The following HDAC6 variants were observed in gnomAD, a reference collection of about 807,000 sequenced individuals.
HDAC6 encodes the protein protein deacetylase HDAC6.
Under a neutral mutation model 88.9 loss-of-function variants are expected in HDAC6, and 5 were observed. That is an observed-to-expected ratio of 0.06 (90% confidence interval 0.03 to 0.12). The LOEUF is 0.12. Ranked by LOEUF, HDAC6 falls within the 10% of genes least tolerant of loss-of-function variation. The pLI, the probability that HDAC6 is intolerant of heterozygous loss-of-function variation, is 1.00. For synonymous variants in HDAC6, 378 were observed against 398.0 expected, an observed-to-expected ratio of 0.95 and a Z score of 0.60; for missense variants, 706 against 1,014.4, an observed-to-expected ratio of 0.70 and a Z score of 4.13.
rs782714342 is a variant in HDAC6 at position 48,805,426 on chromosome X, C to T, written c.312-12C>T. 2 of 1,191,455 alleles carry T rather than the reference C, an allele frequency of 1.7e-6. No individual in the cohort carries two copies. The highest frequency in any genetic ancestry group is 6.0e-5 in the East Asian group (2 of 33,538). On this transcript the variant is annotated splice_polypyrimidine_tract_variant and intron_variant, in intron 4 of 28. Coordinates refer to ENST00000334136, the MANE Select transcript of HDAC6 (RefSeq NM_006044.4). Reference sequence around the variant, plus strand: ...TCCTCATGCATCTGTGACTGTGACTCCATCTCCCCAGCTTCCCGGAAGGCC... The same window carrying T: ...TCCTCATGCATCTGTGACTGTGACTTCATCTCCCCAGCTTCCCGGAAGGCC...
chrX:48,801,751 G>T, upstream of HDAC6: 2 of 694,951 alleles, frequency 2.9e-6, no homozygotes, highest in Non-Finnish European at 3.9e-6. Context: ...GCTCGCGAGA[G>T]GTGTGGCTCG....
At position 48,819,926 on chromosome X, in the gene HDAC6, C is replaced by T. The variant is rs1287685898; in HGVS notation, c.2188-180C>T. 1.2e-5 allele frequency: 6 copies of T among 519,545 alleles called. No individual in the cohort carries two copies. In the African/African-American group the frequency reaches 1.2e-4, roughly 10 times the overall value. The allele number at this position is 519,545 out of a possible 1,213,427, so 42.8% of individuals were successfully genotyped here. A position where few individuals can be genotyped will look rare whatever the true frequency, so the allele number is the denominator to read the frequency against. ...GAGTCTGTATTTCTTTTCTTCCCTT[C>T]TTCATTTTCAGTCTCTGCTTTTGTG... On this transcript the variant is annotated intron_variant, in intron 22 of 28. Coordinates refer to ENST00000334136, the MANE Select transcript of HDAC6 (RefSeq NM_006044.4).
rs377285286 is a variant in HDAC6 at position 48,816,124 on chromosome X, C to T, written c.1494-17C>T. 7.4e-6 allele frequency: 9 copies of T among 1,209,369 alleles called. No homozygotes were observed. The highest frequency in any genetic ancestry group is 1.7e-5 in the African/African-American group (1 of 57,290). On this transcript the variant is annotated splice_polypyrimidine_tract_variant and intron_variant, in intron 17 of 28. Transcript: ENST00000334136. ...CCTCAGGCACTAAGCCTCTACCTCTCGTTTCCCCACTGCTAGCCACCACCC... is the reference window on the plus strand; with the variant it reads ...CCTCAGGCACTAAGCCTCTACCTCTTGTTTCCCCACTGCTAGCCACCACCC...
intron 4 of HDAC6, among the ~76,000 whole-genome samples, chrX:48,804,530 A>T (rs2062781757): frequency 8.9e-6 from 1 of 112,509 alleles, no homozygotes; most frequent in South Asian, 3.6e-4. Flanking sequence ...TAATTATCAT[A>T]CTTGTGTGTT....
chrX:48,816,353 G>A, intron 18 of HDAC6, 84 bp downstream of exon 18: 1 of 1,136,695 alleles, frequency 8.8e-7, no homozygotes. Flanking sequence ...TCCCCTCCTG[G>A]GGAGCTGCTG....
chrX:48,808,110 A>G lies in HDAC6; in HGVS notation c.710A>G (p.Tyr237Cys). Reference protein sequence around the residue: ...MFNHVAVAARYAQQKHRIRRV... With the variant: ...MFNHVAVAARCAQQKHRIRRV... The stretch of plus-strand genomic sequence containing the variant: ...AACCACGTGGCTGTGGCAGCCCGCT[A>G]TGCTCAACAGAAACACCGCATCCGG... Residue 237 changes from tyrosine (Y) to cysteine (C), a missense_variant, in exon 9 of 29, where the codon TAT (tyrosine) becomes TGT (cysteine). Tyr to Cys is a radical substitution (Grantham distance 194, BLOSUM62 -2). This residue lies in a region of HDAC6 where 193 missense variants were observed against 258.2 expected (regional missense o/e 0.75). Transcript: ENST00000334136. 1 of 1,206,146 alleles carries G rather than the reference A, an allele frequency of 8.3e-7. No individual in the cohort carries two copies. Among genetic ancestry groups the G allele is most frequent in the Non-Finnish European group, 1.1e-6 (1 of 891,862 alleles).
At chrX:48,818,476 G>A in intron 22 of HDAC6, 64 bp downstream of exon 22, 1 of 940,736 alleles carries the variant, frequency 1.1e-6, no homozygotes, top group Non-Finnish European at 1.5e-6. Context: ...GCCTGGACCT[G>A]CCTCCTTGGC....
intron 9 of HDAC6, 53 bp from the exon 10 acceptor site, chrX:48,808,205 C>T: frequency 8.6e-7 from 1 of 1,162,027 alleles, no homozygotes; most frequent in Non-Finnish European, 1.2e-6. Flanking sequence ...GGCTCTTCCC[C>T]CAGATTCACC....
rs1569501558 is a variant in HDAC6 at position 48,803,129 on chromosome X, A to G, written c.224A>G (p.Asp75Gly). 2 of 1,205,791 alleles carry G rather than the reference A, an allele frequency of 1.7e-6. No homozygotes were observed. The highest frequency in any genetic ancestry group is 1.8e-5 in the African/African-American group (1 of 56,374). The change falls in exon 4 of 29, where the codon GAT becomes GGT. Residue 75 changes from aspartate to glycine, a missense_variant and splice_region_variant. By Grantham distance (94) the Asp-to-Gly change is moderately conservative. Transcript: ENST00000334136. ...TCTCCTTTTTTTTTTCCTCTGCAGG[A>G]TCTGAACCTTGAGGCTGAAGCACTG... ...EDLIVGLQGM[D>G]LNLEAEALAG...
intron 14 of HDAC6, 153 bp from the exon 15 acceptor site, chrX:48,815,231 C>T (rs376331158): frequency 1.6e-5 from 9 of 557,325 alleles, no homozygotes; most frequent in South Asian, 1.4e-4. Flanking sequence ...AATGTAATCA[C>T]CTCATATCAT....
chrX:48,820,094 TC>T lies in HDAC6; in HGVS notation c.2188-9del, dbSNP rs2063057709. ...CCCTCATGCTTATACATCTCTTCTCTCCCTGCCTCAGTTTAACCCAGAACTG... is the reference window on the plus strand; with the variant it reads ...CCCTCATGCTTATACATCTCTTCTCTCCTGCCTCAGTTTAACCCAGAACTG... On this transcript the variant is annotated splice_polypyrimidine_tract_variant and intron_variant, in intron 22 of 28. Transcript: ENST00000334136. The T allele has an allele frequency of 8.3e-7, 1 of 1,209,949 alleles. No individual in the cohort carries two copies. Among genetic ancestry groups the T allele is most frequent in the East Asian group, 3.0e-5 (1 of 33,825 alleles).
At chrX:48,816,751 G>T (rs2062992172) in intron 19 of HDAC6, 118 bp downstream of exon 19, 10 of 504,217 alleles carry the variant, frequency 2.0e-5, no homozygotes, top group Non-Finnish European at 3.1e-5. Flanking sequence ...GGGCCATGGG[G>T]AGGGGCACGG....
intron 7 of HDAC6, 25 bp downstream of exon 7, chrX:48,806,489 G>A (rs2062819260): frequency 1.8e-6 from 2 of 1,109,143 alleles, no homozygotes; most frequent in Non-Finnish European, 2.5e-6. Context: ...TCTGCGGGCA[G>A]GGAATGGTGG....
intron 1 of HDAC6, 166 bp downstream of exon 1, chrX:48,802,308 G>A (rs1557022583): frequency 1.1e-6 from 1 of 891,655 alleles, no homozygotes; most frequent in Non-Finnish European, 1.4e-6. Flanking sequence ...TGGGCTTAGA[G>A]GGTCTGGGAA....
intron 10 of HDAC6, among the ~76,000 whole-genome samples, chrX:48,811,886 C>T (rs148527302): frequency 7.7e-4 from 86 of 111,787 alleles, no homozygotes; most frequent in African/African-American, 2.6e-3. Context: ...ACTCATTGGC[C>T]GATCTCATTT....
chrX:48,801,907 G>T, upstream of HDAC6: 5 of 972,465 alleles, frequency 5.1e-6, no homozygotes, highest in Middle Eastern at 1.5e-3. Flanking sequence ...AGCCAAGGGC[G>T]GAGTTTGAGA....
upstream of HDAC6, chrX:48,801,736 T>G: frequency 3.4e-6 from 2 of 586,711 alleles, no homozygotes; most frequent in Non-Finnish European, 4.7e-6. Context: ...CCCCGCCGCT[T>G]GTGAGCTCGC....
rs781978059 is a variant in HDAC6 at position 48,823,949 on chromosome X, C to T, written c.3331C>T (p.Pro1111Ser). 5 of 1,211,406 alleles carry T rather than the reference C, an allele frequency of 4.1e-6. No homozygotes were observed. The highest frequency in any genetic ancestry group is 4.5e-6 in the Non-Finnish European group (4 of 895,116). The change falls in exon 27 of 29, where the codon CCC (proline) becomes TCC (serine). Residue 1111 changes from proline (P) to serine (S), a missense_variant. Pro to Ser is a moderately conservative substitution (Grantham distance 74, BLOSUM62 -1). This residue lies in a region of HDAC6 where 112 missense variants were observed against 95.1 expected (regional missense o/e 1.18). Coordinates refer to ENST00000334136, the MANE Select transcript of HDAC6 (RefSeq NM_006044.4). The stretch of plus-strand genomic sequence containing the variant: ...CATATTTTATGCTGTGACACCACTG[C>T]CCTGGTGTCCCCATTTGGTGGCAGT... Reference protein sequence around the residue: ...QAIFYAVTPLPWCPHLVAVCP... With the variant: ...QAIFYAVTPLSWCPHLVAVCP...
rs782263276 is a variant in HDAC6, at chrX:48,806,614, A to G, written c.540A>G (p.Ser180=). 1 of 1,203,100 alleles carries G rather than the reference A, an allele frequency of 8.3e-7. No homozygotes were observed. Reference sequence around the variant, plus strand: ...GCTCCCCACTGTCTCTCCAGAACTCATACTCCTGTGCCTGCCTGGCCTCAG... The same window carrying G: ...GCTCCCCACTGTCTCTCCAGAACTCGTACTCCTGTGCCTGCCTGGCCTCAG... ...TYDSVYLHPN[S]YSCACLASGS... The change falls in exon 8 of 29, where the codon TCA becomes TCG. Residue 180 remains serine (S), a synonymous_variant. Transcript: ENST00000334136.
Sources: gnomAD v4.1 joint callset for allele counts (sites outside exome capture counted in the v4.1 genomes callset) on GRCh38, gnomAD v4.1.1 for gene constraint, gnomAD v4.1.1 regional missense constraint, MANE v1.5 for transcripts, NCBI Gene and HGNC (gene_info 2026-07-23, HGNC 2026-07-21) for gene names.